NUP58: variants seen among roughly 807,000 people sequenced by gnomAD.
The protein encoded by NUP58 is nucleoporin 58, also known as nucleoporin p58/p45.
A neutral mutation model predicts 70.1 loss-of-function variants in NUP58; 17 were observed. That is an observed-to-expected ratio of 0.24 (90% CI 0.17 to 0.36). NUP58 has a LOEUF of 0.36. NUP58 is among the 10% of genes least tolerant of loss of function. NUP58 has a pLI of 1.00. For missense variants in NUP58, 644 were observed against 701.5 expected, an observed-to-expected ratio of 0.92 and a Z score of 0.93; for synonymous variants, 275 against 257.6, an observed-to-expected ratio of 1.07 and a Z score of -0.65.
chr13:25,313,678 A>G lies in NUP58; in HGVS notation c.501A>G (p.Thr167=), dbSNP rs1411570347. ...CAGCCACAACTACAACTGCATCAAC[A>G]GGCCTCTCTTTAGGGGGAGCCTTAG... ...GTTATTTTAS[T]GLSLGGALAG... is the part of the protein sequence containing the mutation. The change falls in exon 5 of 16, where the codon ACA becomes ACG. Residue 167 remains threonine, a synonymous_variant. Coordinates refer to ENST00000381736, the MANE Select transcript of NUP58 (RefSeq NM_014089.4). 1.3e-6 allele frequency: 2 copies of G among 1,530,686 alleles called. No individual in the cohort carries two copies. The highest frequency in any genetic ancestry group is 2.9e-5 in the African/African-American group (2 of 68,626). 94.8% of individuals were successfully genotyped at this position (1,530,686 alleles called of 1,614,324 possible). A position where few individuals can be genotyped will look rare whatever the true frequency, so the allele number is the denominator to read the frequency against.
chr13:25,313,563 G>A (rs958668557), intron 4 of NUP58, 51 bp from the exon 5 acceptor site: 2 of 1,383,110 alleles, frequency 1.4e-6, no homozygotes, highest in Non-Finnish European at 1.9e-6. Context: ...TTTTTCTATG[G>A]TGCTGTTAAA....
At chr13:25,316,307 A>G (rs1295747882) in intron 6 of NUP58, among the ~76,000 whole-genome samples, 1 of 152,118 alleles carries the variant, frequency 6.6e-6, no homozygotes, top group East Asian at 1.9e-4. Flanking sequence ...TTTGTTTTGC[A>G]CCATCTCTTC....
At chr13:25,325,983 A>G (rs1354541869) in intron 10 of NUP58, among the ~76,000 whole-genome samples, 1 of 152,096 alleles carries the variant, frequency 6.6e-6, no homozygotes, top group Non-Finnish European at 1.5e-5. Flanking sequence ...CATTTTTACC[A>G]TATTTTTGTT....
chr13:25,335,470 C>T (rs1236581491), intron 13 of NUP58: 1 of 984,822 alleles, frequency 1.0e-6, no homozygotes, highest in Non-Finnish European at 1.2e-6. Flanking sequence ...TGTTAGGAAT[C>T]AGAAAGTATA....
chr13:25,318,845 T>A (rs1157188721), intron 6 of NUP58, among the ~76,000 whole-genome samples: 1 of 152,214 alleles, frequency 6.6e-6, no homozygotes, highest in Non-Finnish European at 1.5e-5. Context: ...ACAGGTAATC[T>A]GACAGTATTC....
At chr13:25,343,161 C>T (rs1249338139), downstream of NUP58, among the ~76,000 whole-genome samples, 3 of 152,006 alleles carry the variant, frequency 2.0e-5, no homozygotes, top group African/African-American at 7.2e-5. Flanking sequence ...CCTTTTATCC[C>T]TCACCCTCTT....
At chr13:25,331,271 T>G in intron 12 of NUP58, 86 bp from the exon 13 acceptor site, 8 of 1,261,834 alleles carry the variant, frequency 6.3e-6, no homozygotes, top group Non-Finnish European at 9.1e-6. Flanking sequence ...GGGACTGTCT[T>G]TGGTAATTTA....
rs758545712 is a variant in NUP58 at position 25,312,993 on chromosome 13, G to T, written c.397G>T (p.Gly133Cys). The change falls in exon 4 of 16, where the codon GGT becomes TGT. Residue 133 changes from glycine (G) to cysteine (C), a missense_variant. This residue lies in a region of NUP58 where 430 missense variants were observed against 409.2 expected (regional missense o/e 1.05). Coordinates refer to ENST00000381736, the MANE Select transcript of NUP58 (RefSeq NM_014089.4). ...ALPITSTSAS[G>C]LTLSSALTST... ...ACCTATTACCTCTACCTCAGCTAGC[G>T]GTCTGACTCTTTCGTCTGCTCTGAC... is the stretch of plus-strand genomic sequence containing the variant. The T allele has an allele frequency of 6.2e-7, 1 of 1,614,120 alleles. No individual in the cohort carries two copies. The highest frequency in any genetic ancestry group is 1.3e-5 in the African/African-American group (1 of 75,024).
chr13:25,301,657 T>G lies in NUP58; in HGVS notation c.-117T>G. 3 of 514,326 alleles carry G rather than the reference T, an allele frequency of 5.8e-6. No homozygotes were observed. The highest frequency in any genetic ancestry group is 5.4e-4 in the Middle Eastern group (1 of 1,858). The allele number at this position is 514,326 out of a possible 1,614,324, so 31.9% of individuals were successfully genotyped here. ...CCTTCGCCGCCGTTGGGGCTGGAAG[T>G]TCCCGCCAGGTCCGTGCCGGGCGAG... On this transcript the variant is annotated 5_prime_UTR_variant, in exon 1 of 16. Transcript: ENST00000381736.
chr13:25,343,466 CT>C (rs59695355), downstream of NUP58, among the ~76,000 whole-genome samples: 7,550 of 141,858 alleles, frequency 0.053, 539 homozygotes, highest in African/African-American at 0.16. Context: ...TAATTCATTC[CT>C]TTTTTTTTTT....
intron 13 of NUP58, chr13:25,336,199 CTTTA>C: frequency 7.3e-7 from 1 of 1,366,350 alleles, no homozygotes; most frequent in South Asian, 1.1e-5. Context: ...ATGTTCATTA[CTTTA>C]TTTAATCAGG....
intron 13 of NUP58, chr13:25,334,144 G>A: frequency 2.0e-6 from 2 of 985,284 alleles, no homozygotes; most frequent in South Asian, 9.4e-5. Context: ...GGCTATTTGT[G>A]TATGAAATCA....
At chr13:25,317,476 A>G (rs919264013) in intron 6 of NUP58, among the ~76,000 whole-genome samples, 1 of 152,200 alleles carries the variant, frequency 6.6e-6, no homozygotes. Context: ...AAAGCTAGGT[A>G]GATTAATTGG....
chr13:25,313,422 A>G (rs1374024839), intron 4 of NUP58, among the ~76,000 whole-genome samples, 192 bp from the exon 5 acceptor site: 1 of 152,136 alleles, frequency 6.6e-6, no homozygotes, highest in Non-Finnish European at 1.5e-5. Flanking sequence ...CAAAGCCCTT[A>G]TTTCTGTCGC....
chr13:25,337,103 A>G (rs971194897), intron 14 of NUP58, 69 bp downstream of exon 14: 13 of 1,014,186 alleles, frequency 1.3e-5, no homozygotes, highest in Middle Eastern at 2.2e-4. Flanking sequence ...CCTGTAAAAA[A>G]AAATTTCTAA....
At chr13:25,319,449 T>A in intron 7 of NUP58, 99 bp downstream of exon 7, 1 of 1,178,390 alleles carries the variant, frequency 8.5e-7, no homozygotes, top group African/African-American at 1.5e-5. Context: ...TCATATACAT[T>A]TAGGAGAAAA....
In NUP58 at chr13:25,337,112, A is replaced by G; in HGVS notation, c.1534+78A>G. The stretch of plus-strand genomic sequence containing the variant: ...TACTAGCCTGTAAAAAAAAATTTCT[A>G]AGAGAATCTCCTGCTATTTTGGAAG... On this transcript the variant is annotated intron_variant, in intron 14 of 15. Coordinates refer to ENST00000381736, the MANE Select transcript of NUP58 (RefSeq NM_014089.4). The G allele has an allele frequency of 6.9e-6, 6 of 867,624 alleles. No individual in the cohort carries two copies. In the South Asian group the frequency reaches 9.0e-5, roughly 13 times the overall value. 53.7% of individuals were successfully genotyped at this position (867,624 alleles called of 1,614,324 possible). A position where few individuals can be genotyped will look rare whatever the true frequency, so the allele number is the denominator to read the frequency against.
At chr13:25,317,707 A>T (rs972307702) in intron 6 of NUP58, 9 of 152,124 alleles carry the variant, frequency 5.9e-5, no homozygotes, top group African/African-American at 2.2e-4. Context: ...TATAGAAGAT[A>T]GGTGGCAATT....
intron 7 of NUP58, among the ~76,000 whole-genome samples, chr13:25,320,075 A>C (rs2137770793): frequency 6.6e-6 from 1 of 152,234 alleles, no homozygotes; most frequent in East Asian, 1.9e-4. Context: ...TTGAAGAACT[A>C]ACTGAAGTTA....
Sources: allele counts gnomAD v4.1 joint callset (sites outside exome capture counted in the v4.1 genomes callset), GRCh38; gene constraint gnomAD v4.1.1; regional missense constraint gnomAD v4.1.1; transcripts MANE v1.5; gene names NCBI Gene and HGNC (gene_info 2026-07-23, HGNC 2026-07-21).